The following CD24 variants were observed in gnomAD, a reference collection of about 807,000 sequenced individuals.
The protein encoded by CD24 is CD24 molecule.
Under a neutral mutation model 3.6 loss-of-function variants are expected in CD24, and 2 were observed. The observed-to-expected ratio is 0.56, with a 90% CI of 0.23 to 1.77. The LOEUF is 1.77. CD24 is among the 40% of genes most tolerant of loss of function. CD24 has a pLI of 0.18. For synonymous variants in CD24, 33 were observed against 44.9 expected (o/e 0.74, Z 1.06); for missense variants, 62 against 93.6 (o/e 0.66, Z 1.39).
chr6:106,974,763 C>T (rs1247256121), upstream of CD24: 1 of 1,069,410 alleles, frequency 9.4e-7, no homozygotes, highest in Non-Finnish European at 1.3e-6. Flanking sequence ...ACCTTATATA[C>T]CAGGAAAGCC....
upstream of CD24, chr6:106,975,381 G>T (rs1336104973): frequency 2.0e-5 from 3 of 151,784 alleles, no homozygotes; most frequent in Admixed American, 6.6e-5. Context: ...TGGCCGACGG[G>T]ACCCGGGCGC....
intron 1 of CD24, chr6:106,973,531 G>T: frequency 2.5e-6 from 1 of 397,350 alleles, no homozygotes; most frequent in Non-Finnish European, 4.4e-6. Context: ...CCGGACTTTC[G>T]ATGTCTGGGG....
At chr6:106,974,248 G>A (rs932074142) in intron 1 of CD24, among the ~76,000 whole-genome samples, 2 of 152,216 alleles carry the variant, frequency 1.3e-5, no homozygotes, top group Non-Finnish European at 2.9e-5. Context: ...ATCCCTGCAG[G>A]CACCTCGGGC....
At chr6:106,973,639 T>C in intron 1 of CD24, 1 of 398,434 alleles carries the variant, frequency 2.5e-6, no homozygotes, top group South Asian at 1.3e-4. Context: ...ACTCCCATCC[T>C]CCAAACCCGA....
At chr6:106,972,615 C>CAGCGTCTG (rs1773001334) in intron 1 of CD24, among the ~76,000 whole-genome samples, 1 of 152,156 alleles carries the variant, frequency 6.6e-6, no homozygotes, top group African/African-American at 2.4e-5. Context: ...CCCAGTGTCC[C>CAGCGTCTG]AGCGTCTGAG....
At position 106,971,381 on chromosome 6, in the gene CD24, G is replaced by A. The variant is rs1419693678; in HGVS notation, c.*280C>T. ...CCATATTTCTCAAGCCACATTCAAGGAAATCATGTCTTAACTATTTTGGAT... is the reference window on the plus strand; with the variant it reads ...CCATATTTCTCAAGCCACATTCAAGAAAATCATGTCTTAACTATTTTGGAT... On this transcript the variant is annotated 3_prime_UTR_variant, in exon 2 of 2. Transcript: ENST00000606017. The A allele has an allele frequency of 2.6e-6, 1 of 379,880 alleles. No individual in the cohort carries two copies. The highest frequency in any genetic ancestry group is 2.2e-5 in the African/African-American group (1 of 46,490). The allele number at this position is 379,880 out of a possible 1,614,324, so 23.5% of individuals were successfully genotyped here. A position where few individuals can be genotyped will look rare whatever the true frequency, so the allele number is the denominator to read the frequency against.
At chr6:106,971,892 C>T in intron 1 of CD24, 58 bp from the exon 2 acceptor site, 1 of 1,102,468 alleles carries the variant, frequency 9.1e-7, no homozygotes. Flanking sequence ...CCTCCATGTA[C>T]TCTCATATAA....
At chr6:106,974,373 G>A (rs935710415) in intron 1 of CD24, among the ~76,000 whole-genome samples, 1 of 152,202 alleles carries the variant, frequency 6.6e-6, no homozygotes, top group Admixed American at 6.5e-5. Context: ...TCCCAGGGCC[G>A]TGGGAGGAGG....
Position 106,970,095 on chromosome 6 carries a change from C to T in CD24, c.*1566G>A, listed in dbSNP as rs1289255958. Reference sequence around the variant, plus strand: ...AGACTACTGTGGCCATATTAGATTACTGGAACATCTAAGCATCAGTGTGTG... The same window carrying T: ...AGACTACTGTGGCCATATTAGATTATTGGAACATCTAAGCATCAGTGTGTG... On this transcript the variant is annotated 3_prime_UTR_variant, in exon 2 of 2. Transcript: ENST00000606017. The T allele has an allele frequency of 6.6e-6, 1 of 152,576 alleles. No individual in the cohort carries two copies. 9.5% of individuals were successfully genotyped at this position (152,576 alleles called of 1,614,324 possible).
Position 106,970,703 on chromosome 6 carries a change from T to G in CD24, c.*958A>C, listed in dbSNP as rs1772949830. 1 of 152,068 alleles carries G rather than the reference T, an allele frequency of 6.6e-6. No individual in the cohort carries two copies. Among genetic ancestry groups the G allele is most frequent in the African/African-American group, 2.4e-5 (1 of 41,398 alleles). The allele number at this position is 152,068 out of a possible 1,614,324, so 9.4% of individuals were successfully genotyped here. On this transcript the variant is annotated 3_prime_UTR_variant, in exon 2 of 2. Coordinates refer to ENST00000606017, the MANE Select transcript of CD24 (RefSeq NM_001359084.1). ...GGCAGGTGCCTGTAATCCCAGCTAC[T>G]TGGGAGGCTGAGGCAGGAGAATCGC...
intron 1 of CD24, 55 bp from the exon 2 acceptor site, chr6:106,971,889 G>C: frequency 9.0e-7 from 1 of 1,113,762 alleles, no homozygotes; most frequent in Non-Finnish European, 1.3e-6. Context: ...CTACCTCCAT[G>C]TACTCTCATA....
intron 1 of CD24, among the ~76,000 whole-genome samples, chr6:106,973,017 T>G (rs1471385001): frequency 6.6e-6 from 1 of 152,182 alleles, no homozygotes; most frequent in African/African-American, 2.4e-5. Flanking sequence ...GTGCAAGATT[T>G]AGTGTGTCCC....
upstream of CD24, among the ~76,000 whole-genome samples, chr6:106,975,818 C>T (rs1355269342): frequency 6.6e-6 from 1 of 152,248 alleles, no homozygotes; most frequent in African/African-American, 2.4e-5. Flanking sequence ...TCTCGAATTC[C>T]TGGGGATACA....
rs1772943719 is a variant in CD24, at chr6:106,970,493, AG to A, written c.*1167del. 1 of 152,670 alleles carries A rather than the reference AG, an allele frequency of 6.6e-6. No individual in the cohort carries two copies. The highest frequency in any genetic ancestry group is 6.5e-5 in the Admixed American group (1 of 15,282). The allele number at this position is 152,670 out of a possible 1,614,324, so 9.5% of individuals were successfully genotyped here. On this transcript the variant is annotated 3_prime_UTR_variant, in exon 2 of 2. Coordinates refer to ENST00000606017, the MANE Select transcript of CD24 (RefSeq NM_001359084.1). ...CAGATCATTTTTTTAAATTGTAAAA[AG>A]TATTCAACATATGCAGAAATAAAAA...
intron 1 of CD24, 72 bp downstream of exon 1, chr6:106,974,506 G>T: frequency 1.1e-6 from 1 of 888,392 alleles, no homozygotes. Context: ...ACGGTCCCCC[G>T]GGACCGGGTC....
rs2114896049 is a variant in CD24 at position 106,970,235 on chromosome 6, G to A, written c.*1426C>T. ...AGCCCACTTTTAGGCTTAGGACCAG[G>A]TTCTAACTATCTAAAAATATTGACT... is the stretch of plus-strand genomic sequence containing the variant. On this transcript the variant is annotated 3_prime_UTR_variant, in exon 2 of 2. Coordinates refer to ENST00000606017, the MANE Select transcript of CD24 (RefSeq NM_001359084.1). 6.6e-6 allele frequency: 1 copy of A among 152,554 alleles called. No individual in the cohort carries two copies. The highest frequency in any genetic ancestry group is 2.4e-5 in the African/African-American group (1 of 41,556). 9.5% of individuals were successfully genotyped at this position (152,554 alleles called of 1,614,324 possible).
chr6:106,974,441 A>G, intron 1 of CD24, 137 bp downstream of exon 1: 1 of 546,120 alleles, frequency 1.8e-6, no homozygotes, highest in Non-Finnish European at 3.1e-6. Context: ...TCCCCTGGTC[A>G]GCTAAGCAAG....
upstream of CD24, chr6:106,975,410 C>G (rs1562257340): frequency 6.6e-6 from 1 of 151,958 alleles, no homozygotes; most frequent in Admixed American, 6.6e-5. Flanking sequence ...GCGAACCCTT[C>G]CCGGCTGGTC....
intron 1 of CD24, 95 bp downstream of exon 1, chr6:106,974,483 G>A: frequency 1.5e-6 from 1 of 682,058 alleles, no homozygotes; most frequent in South Asian, 2.4e-5. Context: ...GTGGCCCGAG[G>A]CAGGAGCGCA....
Sources: gnomAD v4.1 joint callset for allele counts (sites outside exome capture counted in the v4.1 genomes callset) on GRCh38, gnomAD v4.1.1 for gene constraint, MANE v1.5 for transcripts, NCBI Gene and HGNC (gene_info 2026-07-23, HGNC 2026-07-21) for gene names.